The following SCTR variants were observed in gnomAD, a reference collection of about 807,000 sequenced individuals.
SCTR encodes the protein secretin receptor.
In SCTR, 56 loss-of-function variants were observed where a neutral mutation model predicts 60.8. The observed-to-expected ratio is 0.92, with a 90% CI of 0.74 to 1.15. The LOEUF (loss-of-function observed/expected upper bound fraction) is 1.15. SCTR is among the 50% of genes most tolerant of loss of function. The pLI, the probability that SCTR is intolerant of heterozygous loss-of-function variation, is 0.00. For synonymous variants in SCTR, 202 were observed against 217.0 expected (o/e 0.93, Z 0.61); for missense variants, 562 against 550.4 (o/e 1.02, Z -0.21).
At chr2:119,511,194 TC>T (rs1234685137) in intron 1 of SCTR, among the ~76,000 whole-genome samples, 1 of 151,924 alleles carries the variant, frequency 6.6e-6, no homozygotes, top group Non-Finnish European at 1.5e-5. Flanking sequence ...AAGAGCAATC[TC>T]TTTGAGATCT....
chr2:119,444,414 TACCC>T (rs1682808900), intron 11 of SCTR, among the ~76,000 whole-genome samples: 1 of 122,664 alleles, frequency 8.2e-6, no homozygotes, highest in Non-Finnish European at 1.6e-5. Flanking sequence ...TGAATATATA[TACCC>T]ATATACGTAT....
At position 119,448,660 on chromosome 2, in the gene SCTR, C is replaced by A. The variant is rs754736479; in HGVS notation, c.1013+29G>T. The A allele has an allele frequency of 7.4e-6, 9 of 1,223,148 alleles. No homozygotes were observed. In the Admixed American group the frequency reaches 1.5e-4, roughly 21 times the overall value. 75.8% of individuals were successfully genotyped at this position (1,223,148 alleles called of 1,614,324 possible). A position where few individuals can be genotyped will look rare whatever the true frequency, so the allele number is the denominator to read the frequency against. On this transcript the variant is annotated intron_variant, in intron 10 of 12. Transcript: ENST00000019103. ...TGCTCAGTAAATGCTTGCTGACTGA[C>A]CATGCCTCAGTCTTTGCCCTTCACT...
intron 1 of SCTR, among the ~76,000 whole-genome samples, chr2:119,520,024 C>T (rs934717384): frequency 5.3e-5 from 8 of 152,074 alleles, no homozygotes; most frequent in Non-Finnish European, 8.8e-5. Flanking sequence ...AGGAGGGACT[C>T]AGCAGAGTGT....
At chr2:119,457,002 C>T (rs567319841) in intron 7 of SCTR, among the ~76,000 whole-genome samples, 131 of 152,288 alleles carry the variant, frequency 8.6e-4, no homozygotes, top group African/African-American at 3.1e-3. Context: ...CCTGCCAACG[C>T]GTTGATTTCA....
chr2:119,469,042 G>A (rs1473460988), intron 4 of SCTR, among the ~76,000 whole-genome samples: 1 of 152,082 alleles, frequency 6.6e-6, no homozygotes, highest in East Asian at 1.9e-4. Context: ...GTGACATTGA[G>A]TTCCCCACTG....
chr2:119,513,047 G>A (rs1679006861), intron 1 of SCTR, among the ~76,000 whole-genome samples: 1 of 152,190 alleles, frequency 6.6e-6, no homozygotes, highest in Non-Finnish European at 1.5e-5. Flanking sequence ...CTTCTTGCCT[G>A]GTGGCCTTCA....
At chr2:119,485,045 A>G (rs992243836) in intron 2 of SCTR, among the ~76,000 whole-genome samples, 3 of 152,186 alleles carry the variant, frequency 2.0e-5, no homozygotes, top group Non-Finnish European at 4.4e-5. Context: ...AGGAGGGGCC[A>G]GTGGCCCAGG....
chr2:119,491,575 G>A (rs747491453), intron 2 of SCTR, among the ~76,000 whole-genome samples: 6 of 151,958 alleles, frequency 3.9e-5, no homozygotes, highest in South Asian at 2.1e-4. Flanking sequence ...GCAATGGTGC[G>A]ATCTTGGCTC....
At chr2:119,460,678 G>C (rs929695927) in intron 7 of SCTR, among the ~76,000 whole-genome samples, 1 of 152,174 alleles carries the variant, frequency 6.6e-6, no homozygotes, top group South Asian at 2.1e-4. Flanking sequence ...CACATAGCAA[G>C]TGCCCCTAAA....
At chr2:119,453,573 C>A (rs1247926180) in intron 7 of SCTR, among the ~76,000 whole-genome samples, 1 of 152,338 alleles carries the variant, frequency 6.6e-6, no homozygotes, top group South Asian at 2.1e-4. Context: ...TCAGAAGGAT[C>A]CCAAAGGCCA....
intron 4 of SCTR, among the ~76,000 whole-genome samples, chr2:119,471,820 T>A (rs1677031370): frequency 6.6e-6 from 1 of 152,172 alleles, no homozygotes; most frequent in African/African-American, 2.4e-5. Flanking sequence ...TAGGCTTGGT[T>A]TAAATCCTAC....
At chr2:119,513,438 T>C (rs765074598) in intron 1 of SCTR, among the ~76,000 whole-genome samples, 4 of 152,206 alleles carry the variant, frequency 2.6e-5, no homozygotes, top group African/African-American at 4.8e-5. Flanking sequence ...TAAGAGATTG[T>C]CAGAGAAAAA....
intron 1 of SCTR, among the ~76,000 whole-genome samples, chr2:119,512,676 C>T (rs868829422): frequency 1.3e-5 from 2 of 152,164 alleles, no homozygotes; most frequent in Non-Finnish European, 2.9e-5. Context: ...GGATTACAGG[C>T]GTGAGCCACC....
In SCTR at chr2:119,524,163, C is replaced by T; in HGVS notation, c.64G>A (p.Ala22Thr). Residue 22 changes from alanine (A) to threonine (T), a missense_variant, in exon 1 of 13, where the codon GCG becomes ACG. By Grantham distance (58) the Ala-to-Thr change is moderately conservative. Transcript: ENST00000019103. ...AAGGGCGCAGTACTCACCGAGTGCGCGGCGCAGGCGAGCAGCACCGGCAGT... is the reference window on the plus strand; with the variant it reads ...AAGGGCGCAGTACTCACCGAGTGCGTGGCGCAGGCGAGCAGCACCGGCAGT... The part of the protein sequence containing the change: ...LLLPVLLACA[A>T]HSTGALPRLC... The T allele has an allele frequency of 1.3e-6, 2 of 1,535,796 alleles. No homozygotes were observed. Among genetic ancestry groups the T allele is most frequent in the Non-Finnish European group, 1.8e-6 (2 of 1,139,804 alleles).
At chr2:119,502,595 A>C (rs776959234) in intron 1 of SCTR, among the ~76,000 whole-genome samples, 10 of 152,192 alleles carry the variant, frequency 6.6e-5, no homozygotes, top group Non-Finnish European at 1.5e-4. Context: ...TTAATTATTC[A>C]TAAGTGCTAA....
chr2:119,502,295 G>C (rs1216053193), intron 1 of SCTR, among the ~76,000 whole-genome samples: 1 of 152,088 alleles, frequency 6.6e-6, no homozygotes, highest in African/African-American at 2.4e-5. Context: ...ATTAAAAAAA[G>C]AGATGCTTAG....
At chr2:119,464,831 G>A (rs954790275) in intron 5 of SCTR, among the ~76,000 whole-genome samples, 3 of 152,268 alleles carry the variant, frequency 2.0e-5, no homozygotes, top group Admixed American at 1.3e-4. Flanking sequence ...GAGGGGTGAG[G>A]ACGGCAACCA....
At chr2:119,524,075 T>A (rs1007466851) in intron 1 of SCTR, 80 bp downstream of exon 1, 1 of 1,131,042 alleles carries the variant, frequency 8.8e-7, no homozygotes, top group Non-Finnish European at 1.3e-6. Context: ...CCTCTCCACC[T>A]GCATCCTGCC....
chr2:119,461,100 G>A (rs1286294074), intron 7 of SCTR, among the ~76,000 whole-genome samples: 1 of 152,200 alleles, frequency 6.6e-6, no homozygotes, highest in Non-Finnish European at 1.5e-5. Flanking sequence ...ACAGTGTGAC[G>A]CTGCTGGATT....
Sources: allele counts gnomAD v4.1 joint callset (sites outside exome capture counted in the v4.1 genomes callset), GRCh38; gene constraint gnomAD v4.1.1; transcripts MANE v1.5; gene names NCBI Gene and HGNC (gene_info 2026-07-23, HGNC 2026-07-21).